The following ASIC2 variants were observed in gnomAD, a reference collection of about 807,000 sequenced individuals.
ASIC2 encodes acid-sensing ion channel 2.
A neutral mutation model predicts 57.3 loss-of-function variants in ASIC2; 25 were observed. The observed-to-expected ratio is 0.44, with a 90% CI of 0.32 to 0.61. ASIC2 has a LOEUF of 0.61. ASIC2 is among the 20% of genes least tolerant of loss of function. The probability of loss-of-function intolerance (pLI) is 0.06; values close to 1 mark genes in which losing one functional copy is unlikely to be tolerated. For synonymous variants in ASIC2, 319 were observed against 307.5 expected, an observed-to-expected ratio of 1.04 and a Z score of -0.39; for missense variants, 641 against 738.1, an observed-to-expected ratio of 0.87 and a Z score of 1.52.
At chr17:33,456,490 A>C (rs775026745) in intron 1 of ASIC2, among the ~76,000 whole-genome samples, 15 of 152,172 alleles carry the variant, frequency 9.9e-5, no homozygotes, top group Non-Finnish European at 2.1e-4. Context: ...GTGATAATTC[A>C]AGGCTGCACC....
chr17:33,081,036 T>C (rs902285539), intron 3 of ASIC2, among the ~76,000 whole-genome samples: 1 of 152,164 alleles, frequency 6.6e-6, no homozygotes, highest in African/African-American at 2.4e-5. Context: ...TGCAAGGTAG[T>C]GGGGAGGTAA....
At position 33,506,737 on chromosome 17, in the gene ASIC2, G is replaced by A. The variant is rs1398509421; in HGVS notation, c.556-394670C>T. Among the ~76,000 whole-genome samples, 5 of 152,134 alleles carry A rather than the reference G, an allele frequency of 3.3e-5. No homozygotes were observed. The East Asian group carries it at 5.8e-4, about 18-fold the overall frequency. ...CTTTGGATAAGCTCATCGATCTCTC[G>A]GATCCTCAGTTTTCTCATATGTAAA... On this transcript the variant is annotated intron_variant, in intron 1 of 9. Coordinates refer to the ASIC2 transcript ENST00000359872.
intron 1 of ASIC2, among the ~76,000 whole-genome samples, chr17:33,189,422 C>T (rs762872491): frequency 1.7e-4 from 26 of 152,032 alleles, no homozygotes; most frequent in African/African-American, 6.0e-4. Context: ...GAACAAAGAC[C>T]AGATGGGCCA....
At chr17:33,014,597 G>A (rs1346729878) in intron 9 of ASIC2, among the ~76,000 whole-genome samples, 7 of 152,066 alleles carry the variant, frequency 4.6e-5, no homozygotes, top group Non-Finnish European at 8.8e-5. Context: ...GTCCCTAAGC[G>A]GGGAGGGGCT....
At chr17:33,296,959 T>C (rs1428619946), upstream of ASIC2, among the ~76,000 whole-genome samples, 32 of 152,244 alleles carry the variant, frequency 2.1e-4, no homozygotes, top group Admixed American at 2.1e-3. Flanking sequence ...AATTCTATTC[T>C]GGAACATCTT....
chr17:33,578,158 T>G (rs1299066069), intron 1 of ASIC2, among the ~76,000 whole-genome samples: 1 of 152,162 alleles, frequency 6.6e-6, no homozygotes, highest in African/African-American at 2.4e-5. Context: ...TGCCCTTATT[T>G]TATTTAACTG....
At chr17:33,999,323 T>C (rs973755449) in intron 1 of ASIC2, among the ~76,000 whole-genome samples, 4 of 152,194 alleles carry the variant, frequency 2.6e-5, no homozygotes, top group African/African-American at 9.6e-5. Flanking sequence ...TTAGTCACTG[T>C]ATGTCTTTTG....
chr17:33,384,977 C>A (rs1418942220), intron 1 of ASIC2, among the ~76,000 whole-genome samples: 1 of 152,214 alleles, frequency 6.6e-6, no homozygotes, highest in East Asian at 1.9e-4. Flanking sequence ...TAAAGTCAGA[C>A]AGACATAGGT....
intron 1 of ASIC2, among the ~76,000 whole-genome samples, chr17:33,443,291 C>T (rs1162218133): frequency 6.6e-6 from 1 of 152,020 alleles, no homozygotes; most frequent in African/African-American, 2.4e-5. Context: ...GTATCCTCGC[C>T]TCCATTTCCG....
At chr17:33,200,270 G>A (rs981263128) in intron 1 of ASIC2, among the ~76,000 whole-genome samples, 18 of 152,120 alleles carry the variant, frequency 1.2e-4, no homozygotes, top group Admixed American at 1.1e-3. Context: ...GCCTGGCATC[G>A]AGTCAACATT....
intron 1 of ASIC2, among the ~76,000 whole-genome samples, chr17:33,530,915 A>T (rs948688445): frequency 9.9e-5 from 15 of 152,102 alleles, no homozygotes; most frequent in African/African-American, 3.6e-4. Flanking sequence ...GTTCCATTTG[A>T]TTTCATTTAA....
chr17:33,532,977 A>G (rs925001173), intron 1 of ASIC2, among the ~76,000 whole-genome samples: 1 of 152,336 alleles, frequency 6.6e-6, no homozygotes, highest in Admixed American at 6.5e-5. Flanking sequence ...CATATGCCAT[A>G]TGATTTGGGA....
intron 1 of ASIC2, among the ~76,000 whole-genome samples, chr17:33,170,394 A>G (rs1905466145): frequency 1.3e-5 from 2 of 152,230 alleles, no homozygotes; most frequent in South Asian, 2.1e-4. Context: ...ACAGATCATT[A>G]ACTATTTGAC....
intron 1 of ASIC2, among the ~76,000 whole-genome samples, chr17:33,405,536 A>ATC (rs1910442790): frequency 6.9e-6 from 1 of 144,110 alleles, no homozygotes; most frequent in Non-Finnish European, 1.5e-5. Context: ...CAGGCTGCAG[A>ATC]GCAGTGGCGC....
At chr17:33,185,694 C>T (rs1291983257) in intron 1 of ASIC2, among the ~76,000 whole-genome samples, 2 of 152,092 alleles carry the variant, frequency 1.3e-5, no homozygotes, top group East Asian at 3.8e-4. Flanking sequence ...GAAGGTCTCC[C>T]TTCATTCTTC....
intron 1 of ASIC2, among the ~76,000 whole-genome samples, chr17:33,769,212 A>T (rs1173006772): frequency 6.6e-6 from 1 of 152,192 alleles, no homozygotes; most frequent in Non-Finnish European, 1.5e-5. Flanking sequence ...TGGGGTGTGG[A>T]CAGTGGAACT....
intron 1 of ASIC2, among the ~76,000 whole-genome samples, chr17:33,234,827 A>C (rs1908232090): frequency 6.6e-6 from 1 of 152,006 alleles, no homozygotes; most frequent in Non-Finnish European, 1.5e-5. Context: ...AAAATCTTCC[A>C]CCTCCCAATG....
At chr17:34,088,602 C>T (rs1910200218) in intron 1 of ASIC2, among the ~76,000 whole-genome samples, 1 of 152,210 alleles carries the variant, frequency 6.6e-6, no homozygotes. Context: ...GCAGAGGTTA[C>T]TGCTGTCTTT....
chr17:33,711,595 A>T lies in ASIC2; in HGVS notation c.555+444383T>A, dbSNP rs535574220. ...AGGTTTAATTGACTCACAGTTCTAC[A>T]TGGCTCAGGGGGCCTCAGGAAATTT... On this transcript the variant is annotated intron_variant, in intron 1 of 9. Coordinates refer to the ASIC2 transcript ENST00000359872. 2.8e-4 allele frequency among the ~76,000 whole-genome samples: 42 copies of T among 152,314 alleles called. No individual in the cohort carries two copies. The South Asian group carries it at 2.9e-3, about 11-fold the overall frequency.
Sources: gnomAD v4.1 joint callset for allele counts (sites outside exome capture counted in the v4.1 genomes callset) on GRCh38, gnomAD v4.1.1 for gene constraint, MANE v1.5 for transcripts, NCBI Gene and HGNC (gene_info 2026-07-23, HGNC 2026-07-21) for gene names.